RBFOX1: variants seen among roughly 807,000 people sequenced by gnomAD.
The protein encoded by RBFOX1 is RNA binding fox-1 homolog 1.
A neutral mutation model predicts 57.7 loss-of-function variants in RBFOX1; 8 were observed. The ratio of observed to expected loss-of-function variants is 0.14; its 90% CI spans 0.08 to 0.25. The LOEUF (loss-of-function observed/expected upper bound fraction) is 0.25, where lower values mean the gene tolerates loss of function less well. Among genes scored for constraint, RBFOX1 ranks in the 10% least tolerant of loss-of-function variants. The pLI, the probability that RBFOX1 is intolerant of heterozygous loss-of-function variation, is 1.00. For synonymous variants in RBFOX1, 326 were observed against 222.4 expected, an observed-to-expected ratio of 1.47 and a Z score of -4.15; for missense variants, 611 against 548.5, an observed-to-expected ratio of 1.11 and a Z score of -1.14.
intron 4 of RBFOX1, among the ~76,000 whole-genome samples, chr16:5,886,860 C>A (rs1341962677): frequency 1.3e-5 from 2 of 152,202 alleles, no homozygotes; most frequent in African/African-American, 4.8e-5. Flanking sequence ...AGCATTCTAG[C>A]CTGGGCAACG....
intron 3 of RBFOX1, among the ~76,000 whole-genome samples, chr16:5,839,505 A>G (rs77358193): frequency 0.014 from 2,113 of 152,306 alleles, 14 homozygotes; most frequent in Non-Finnish European, 0.022. Flanking sequence ...CTCAGGAAAC[A>G]TTTATTAAGC....
intron 3 of RBFOX1, among the ~76,000 whole-genome samples, chr16:6,792,183 A>T (rs2083099298): frequency 6.6e-6 from 1 of 152,214 alleles, no homozygotes; most frequent in African/African-American, 2.4e-5. Context: ...CTTAGCAGGT[A>T]GTTAAGGTGA....
intron 1 of RBFOX1, among the ~76,000 whole-genome samples, chr16:5,424,979 T>TTTC (rs769526087): frequency 0.56 from 34,602 of 61,280 alleles, 8,843 homozygotes; most frequent in East Asian, 0.69. Context: ...TCTTTCTTTC[T>TTTC]TTTCTTTTCT....
intron 4 of RBFOX1, among the ~76,000 whole-genome samples, chr16:7,090,364 T>A (rs1275207860): frequency 6.6e-6 from 1 of 152,128 alleles, no homozygotes; most frequent in Admixed American, 6.5e-5. Context: ...AACTTTTTGC[T>A]GGGGGGAGGT....
At chr16:5,751,545 A>G (rs545178717) in intron 3 of RBFOX1, among the ~76,000 whole-genome samples, 3 of 152,272 alleles carry the variant, frequency 2.0e-5, no homozygotes, top group Admixed American at 2.0e-4. Context: ...GATGAAGGTG[A>G]ATCTGGAGGA....
upstream of RBFOX1, chr16:5,239,791 C>A (rs2062117697): frequency 4.6e-6 from 3 of 650,882 alleles, no homozygotes; most frequent in Non-Finnish European, 7.7e-6. Context: ...GCCGCGCGGA[C>A]CCACCGAGCC....
intron 5 of RBFOX1, among the ~76,000 whole-genome samples, chr16:7,557,962 C>A (rs11864062): frequency 6.6e-6 from 1 of 152,114 alleles, no homozygotes; most frequent in East Asian, 1.9e-4. Flanking sequence ...TCCAGATACT[C>A]TAAACAAACA....
chr16:6,950,840 C>A (rs967951574), intron 3 of RBFOX1, among the ~76,000 whole-genome samples: 1 of 152,056 alleles, frequency 6.6e-6, no homozygotes, highest in African/African-American at 2.4e-5. Context: ...TCAGCTCTTT[C>A]TTTTTTCTTT....
intron 3 of RBFOX1, among the ~76,000 whole-genome samples, chr16:7,016,358 G>A (rs1396236414): frequency 6.6e-6 from 1 of 152,150 alleles, no homozygotes; most frequent in Non-Finnish European, 1.5e-5. Flanking sequence ...CTAGCCTATA[G>A]AGTTGAGTTT....
intron 1 of RBFOX1, among the ~76,000 whole-genome samples, chr16:5,388,857 G>A (rs545121189): frequency 3.3e-5 from 5 of 151,580 alleles, no homozygotes; most frequent in South Asian, 4.2e-4. Context: ...GATTACAGGC[G>A]TGAGTCACCG....
chr16:5,760,163 G>C (rs535590631), intron 3 of RBFOX1, among the ~76,000 whole-genome samples: 3 of 152,232 alleles, frequency 2.0e-5, no homozygotes, highest in East Asian at 1.9e-4. Context: ...AGGTTGTCCA[G>C]ATTTGCCCGG....
intron 2 of RBFOX1, among the ~76,000 whole-genome samples, chr16:5,481,220 C>T (rs567423914): frequency 6.6e-6 from 1 of 152,206 alleles, no homozygotes; most frequent in Non-Finnish European, 1.5e-5. Context: ...CCTCATTAGA[C>T]TGGTGTAATC....
intron 2 of RBFOX1, among the ~76,000 whole-genome samples, chr16:6,601,612 AG>A (rs1352256835): frequency 6.6e-6 from 1 of 152,182 alleles, no homozygotes; most frequent in East Asian, 1.9e-4. Context: ...TCCTATCCCC[AG>A]TCCAATCCTT....
At chr16:7,078,709 C>A (rs959252380) in intron 4 of RBFOX1, among the ~76,000 whole-genome samples, 1 of 145,562 alleles carries the variant, frequency 6.9e-6, no homozygotes, top group Non-Finnish European at 1.5e-5. Context: ...TTGAGACAGG[C>A]TCTCGCTCTG....
chr16:6,111,791 C>T (rs1191033066), intron 1 of RBFOX1, among the ~76,000 whole-genome samples: 1 of 152,094 alleles, frequency 6.6e-6, no homozygotes, highest in Non-Finnish European at 1.5e-5. Flanking sequence ...GAAATTCAGA[C>T]ATACATTAGT....
intron 3 of RBFOX1, among the ~76,000 whole-genome samples, chr16:6,936,537 G>A (rs546583051): frequency 4.6e-5 from 7 of 152,156 alleles, no homozygotes; most frequent in South Asian, 2.1e-4. Flanking sequence ...CTCTGGGGAG[G>A]ATATTAAGGG....
intron 10 of RBFOX1, among the ~76,000 whole-genome samples, chr16:7,628,616 A>C (rs2060447356): frequency 6.6e-6 from 1 of 152,076 alleles, no homozygotes; most frequent in South Asian, 2.1e-4. Flanking sequence ...ACGTTGTGAT[A>C]AACTTTTTTT....
chr16:6,956,986 A>G (rs1366508123), intron 3 of RBFOX1, among the ~76,000 whole-genome samples: 33 of 151,962 alleles, frequency 2.2e-4, no homozygotes, highest in Non-Finnish European at 1.8e-4. Flanking sequence ...AAGTCTGCAG[A>G]GTAAAGTGAA....
chr16:5,592,919 C>T (rs1016871008), intron 2 of RBFOX1, among the ~76,000 whole-genome samples: 1 of 152,074 alleles, frequency 6.6e-6, no homozygotes, highest in African/African-American at 2.4e-5. Context: ...GTGCGGGGGC[C>T]AGAGCAACTC....
Sources: gnomAD v4.1 joint callset for allele counts (sites outside exome capture counted in the v4.1 genomes callset) on GRCh38, gnomAD v4.1.1 for gene constraint, MANE v1.5 for transcripts, NCBI Gene and HGNC (gene_info 2026-07-23, HGNC 2026-07-21) for gene names.